EGFLAM: variants seen among roughly 807,000 people sequenced by gnomAD.
EGFLAM encodes the protein EGF like, fibronectin type III and laminin G domains, also known as pikachurin.
A neutral mutation model predicts 113.1 loss-of-function variants in EGFLAM; 79 were observed. The ratio of observed to expected loss-of-function variants is 0.70; its 90% confidence interval spans 0.58 to 0.84. EGFLAM has a LOEUF of 0.84. Among genes scored for constraint, EGFLAM ranks in the 40% least tolerant of loss-of-function variants. EGFLAM has a pLI of 0.00. For synonymous variants in EGFLAM, 504 were observed against 487.6 expected, an observed-to-expected ratio of 1.03 and a Z score of -0.44; for missense variants, 1,265 against 1,291.6, an observed-to-expected ratio of 0.98 and a Z score of 0.32.
At position 38,409,006 on chromosome 5, in the gene EGFLAM, G is replaced by A. The variant is rs147603322; in HGVS notation, c.1251G>A (p.Ala417=). 2,383 of 1,585,416 alleles carry A rather than the reference G, an allele frequency of 1.5e-3. 16 individuals carry two copies. In the African/African-American group the frequency reaches 0.023, roughly 15 times the overall value. The change falls in exon 10 of 22, where the codon GCG becomes GCA. Residue 417 remains alanine, a splice_region_variant and synonymous_variant. Transcript: ENST00000322350. ...GGCTTTTGTTTGTATAATCACAGGC[G>A]GAGGCAGAGGATGGCTTACTGCTCT... ...QAFQITLEFR[A]EAEDGLLLYC...
chr5:38,318,806 T>C (rs1023498361), intron 1 of EGFLAM, among the ~76,000 whole-genome samples: 1 of 152,100 alleles, frequency 6.6e-6, no homozygotes, highest in Non-Finnish European at 1.5e-5. Context: ...GCTTGCCCTC[T>C]GGTGTTTTAA....
In EGFLAM at chr5:38,298,324, T is replaced by A. The variant is rs539699383; in HGVS notation, c.98-39196T>A. 3.5e-4 allele frequency among the ~76,000 whole-genome samples: 54 copies of A among 152,302 alleles called. 1 individual carries two copies. In the South Asian group the frequency reaches 0.011, roughly 30 times the overall value. On this transcript the variant is annotated intron_variant, in intron 1 of 21. Transcript: ENST00000322350. ...ATCATTAGAGATAATTTTTAGGTACTGTCTTCCAGGGTTCTCTGATTAGGA... is the reference window on the plus strand; with the variant it reads ...ATCATTAGAGATAATTTTTAGGTACAGTCTTCCAGGGTTCTCTGATTAGGA...
intron 1 of EGFLAM, among the ~76,000 whole-genome samples, chr5:38,311,370 G>T (rs1463776012): frequency 6.6e-6 from 1 of 152,072 alleles, no homozygotes; most frequent in Non-Finnish European, 1.5e-5. Context: ...GCCCCTGCCT[G>T]GTAACCGCCA....
At chr5:38,345,760 C>T (rs2111969826) in intron 3 of EGFLAM, 1 of 152,330 alleles carries the variant, frequency 6.6e-6, no homozygotes, top group East Asian at 1.9e-4. Flanking sequence ...AAGCAAAAGA[C>T]TGTTTCTCTA....
intron 15 of EGFLAM, among the ~76,000 whole-genome samples, chr5:38,433,634 A>AT (rs1039582756): frequency 3.3e-5 from 5 of 151,948 alleles, no homozygotes; most frequent in African/African-American, 2.4e-5. Flanking sequence ...CCATAATGCA[A>AT]TTTTTTTTCC....
chr5:38,370,519 A>C, intron 6 of EGFLAM, 57 bp downstream of exon 6: 3 of 1,566,124 alleles, frequency 1.9e-6, no homozygotes, highest in Non-Finnish European at 2.6e-6. Flanking sequence ...GGCTTGCCTC[A>C]TGAAGACTCA....
At chr5:38,264,919 G>C (rs953036667) in intron 1 of EGFLAM, among the ~76,000 whole-genome samples, 21 of 152,208 alleles carry the variant, frequency 1.4e-4, no homozygotes, top group African/African-American at 3.9e-4. Context: ...CCATCACTGT[G>C]CTTCCCCTCC....
At chr5:38,300,436 C>T (rs1397970566) in intron 1 of EGFLAM, among the ~76,000 whole-genome samples, 2 of 150,576 alleles carry the variant, frequency 1.3e-5, no homozygotes, top group South Asian at 2.1e-4. Flanking sequence ...AGTGCAGTGA[C>T]GCAATCTCGG....
intron 1 of EGFLAM, chr5:38,305,353 A>G: frequency 2.8e-6 from 1 of 352,432 alleles, no homozygotes; most frequent in South Asian, 2.3e-5. Context: ...CTAACCTAGA[A>G]TTCCATACCC....
chr5:38,451,613 T>C, intron 19 of EGFLAM, 155 bp downstream of exon 19: 1 of 1,109,280 alleles, frequency 9.0e-7, no homozygotes, highest in Non-Finnish European at 1.3e-6. Flanking sequence ...CTGGTCTTTC[T>C]TTCCAACATT....
chr5:38,259,010 C>T (rs1225467721), intron 1 of EGFLAM, among the ~76,000 whole-genome samples, 159 bp downstream of exon 1: 1 of 138,562 alleles, frequency 7.2e-6, no homozygotes, highest in African/African-American at 2.5e-5. Flanking sequence ...ACGCAAACCT[C>T]GCCCTCCCCC....
At chr5:38,381,992 G>C (rs1349218377) in intron 6 of EGFLAM, among the ~76,000 whole-genome samples, 2 of 152,210 alleles carry the variant, frequency 1.3e-5, no homozygotes, top group Non-Finnish European at 2.9e-5. Flanking sequence ...GAGTTCTGGG[G>C]CAGAAAAGTC....
intron 15 of EGFLAM, among the ~76,000 whole-genome samples, chr5:38,434,792 C>T (rs1032570257): frequency 3.3e-5 from 5 of 152,164 alleles, no homozygotes; most frequent in South Asian, 2.1e-4. Flanking sequence ...TCATCTGAGC[C>T]GACAGGTTGG....
At chr5:38,413,185 A>ATTTTTTTTTTTTTTT in intron 11 of EGFLAM, among the ~76,000 whole-genome samples, 1 of 100,882 alleles carries the variant, frequency 9.9e-6, no homozygotes, top group Non-Finnish European at 1.9e-5. Flanking sequence ...TGCCTGGCTA[A>ATTTTTTTTTTTTTTT]TTTTTTTTTT....
chr5:38,443,538 A>G (rs1365637257), intron 17 of EGFLAM, among the ~76,000 whole-genome samples: 1 of 152,176 alleles, frequency 6.6e-6, no homozygotes, highest in African/African-American at 2.4e-5. Context: ...TCAGCATACT[A>G]TAATAAAGAT....
chr5:38,286,888 CT>C, intron 1 of EGFLAM, among the ~76,000 whole-genome samples: 1 of 152,238 alleles, frequency 6.6e-6, no homozygotes, highest in Admixed American at 6.5e-5. Context: ...TCTAAACAGA[CT>C]GAGAGGGGAT....
At chr5:38,300,264 C>G (rs1178146601) in intron 1 of EGFLAM, among the ~76,000 whole-genome samples, 1 of 152,182 alleles carries the variant, frequency 6.6e-6, no homozygotes, top group Non-Finnish European at 1.5e-5. Flanking sequence ...CATGCACAGT[C>G]CCAAGGGGCA....
chr5:38,312,504 T>G (rs1465086535), intron 1 of EGFLAM, among the ~76,000 whole-genome samples: 1 of 152,134 alleles, frequency 6.6e-6, no homozygotes, highest in Non-Finnish European at 1.5e-5. Flanking sequence ...CCTCCCAAAG[T>G]CCTGGGATTA....
intron 6 of EGFLAM, among the ~76,000 whole-genome samples, chr5:38,387,177 G>A (rs567789049): frequency 6.6e-6 from 1 of 152,268 alleles, no homozygotes; most frequent in East Asian, 1.9e-4. Flanking sequence ...AAAAGGCATA[G>A]GGGCATAGAG....
Sources: gnomAD v4.1 joint callset for allele counts (sites outside exome capture counted in the v4.1 genomes callset) on GRCh38, gnomAD v4.1.1 for gene constraint, MANE v1.5 for transcripts, NCBI Gene and HGNC (gene_info 2026-07-23, HGNC 2026-07-21) for gene names.